Variants in PKD1L3 observed in about 807,000 individuals in gnomAD.
PKD1L3 encodes the protein polycystin 1 like 3, transient receptor potential channel interacting, also known as polycystin-1-like protein 3.
PKD1L3 carries 239 observed loss-of-function variants against 184.1 expected under a neutral mutation model. The ratio of observed to expected loss-of-function variants is 1.30; its 90% CI spans 1.17 to 1.45. The LOEUF (loss-of-function observed/expected upper bound fraction) is 1.45. Among genes scored for constraint, PKD1L3 ranks in the 40% most tolerant of loss-of-function variants. The probability of loss-of-function intolerance (pLI) is 0.00; values close to 1 mark genes in which losing one functional copy is unlikely to be tolerated. For missense variants in PKD1L3, 2,660 were observed against 2,067.2 expected (o/e 1.29, Z -5.56); for synonymous variants, 996 against 778.8 (o/e 1.28, Z -4.64).
At position 71,950,270 on chromosome 16, in the gene PKD1L3, A is replaced by C; in HGVS notation, c.3231T>G (p.His1077Gln). ...ENHHHFCCYLHRVLQRLKSHL... is the reference protein window; with the variant it reads ...ENHHHFCCYLQRVLQRLKSHL... Reference sequence around the variant, plus strand: ...GAGATTTCAGCCTCTGCAGAACTCTATGCAGGTAACAGCAGAAATGATGGT... The same window carrying C: ...GAGATTTCAGCCTCTGCAGAACTCTCTGCAGGTAACAGCAGAAATGATGGT... The change falls in exon 20 of 30, where the codon CAT becomes CAG. Residue 1077 changes from histidine to glutamine, a missense_variant. Physicochemically the swap from His to Gln is conservative, Grantham distance 24. Transcript: ENST00000620267. 6.5e-7 allele frequency: 1 copy of C among 1,547,936 alleles called. No homozygotes were observed. The highest frequency in any genetic ancestry group is 8.7e-7 in the Non-Finnish European group (1 of 1,144,360).
intron 11 of PKD1L3, among the ~76,000 whole-genome samples, chr16:71,976,264 CTTTT>C (rs71153688): frequency 1.2e-5 from 1 of 81,776 alleles, no homozygotes; most frequent in Non-Finnish European, 2.3e-5. Context: ...CCCAGCCTGT[CTTTT>C]TTTTTTTTTT....
intron 5 of PKD1L3, 141 bp downstream of exon 5, chr16:71,986,080 T>G: frequency 9.2e-7 from 1 of 1,089,206 alleles, no homozygotes; most frequent in Non-Finnish European, 1.3e-6. Flanking sequence ...TCCATGGACT[T>G]GTTTAGTTTT....
In PKD1L3 at chr16:71,953,053, G is replaced by A. The variant is rs1373798905; in HGVS notation, c.2850C>T (p.Ser950=). Residue 950 remains serine (S), a synonymous_variant, in exon 18 of 30, where the codon AGC becomes AGT. Transcript: ENST00000620267. The part of the protein sequence containing the change: ...FAVAWSELLV[S]IHTAVILFPI... ...GGAAGAGGATGACAGCAGTATGGAT[G>A]CTGACCAGCAGTTCAGACCAGGCCA... The A allele has an allele frequency of 2.0e-6, 3 of 1,536,522 alleles. No homozygotes were observed. The highest frequency in any genetic ancestry group is 2.8e-5 in the African/African-American group (2 of 72,090).
intron 6 of PKD1L3, among the ~76,000 whole-genome samples, chr16:71,983,663 C>CTTTTCTTTTTTTTTTTTTTTTTT (rs2040247074): frequency 1.0e-5 from 1 of 100,308 alleles, no homozygotes; most frequent in African/African-American, 3.9e-5. Context: ...GATTCTCTTT[C>CTTTTCTTTTTTTTTTTTTTTTTT]TTTTTTTTTT....
In PKD1L3 at chr16:71,953,062, C is replaced by T; in HGVS notation, c.2841G>A (p.Leu947=). Residue 947 remains leucine, a synonymous_variant, in exon 18 of 30, where the codon CTG becomes CTA. Transcript: ENST00000620267. ...MRPFAVAWSE[L]LVSIHTAVIL... ...TGACAGCAGTATGGATGCTGACCAG[C>T]AGTTCAGACCAGGCCACAGCAAATG... 6.6e-7 allele frequency: 1 copy of T among 1,513,902 alleles called. No homozygotes were observed. The highest frequency in any genetic ancestry group is 8.8e-7 in the Non-Finnish European group (1 of 1,132,214). The allele number at this position is 1,513,902 out of a possible 1,614,324, so 93.8% of individuals were successfully genotyped here. A position where few individuals can be genotyped will look rare whatever the true frequency, so the allele number is the denominator to read the frequency against.
Position 71,977,365 on chromosome 16 carries a change from A to T in PKD1L3, c.1630T>A (p.Ser544Thr). The T allele has an allele frequency of 6.5e-7, 1 of 1,550,362 alleles. No individual in the cohort carries two copies. The highest frequency in any genetic ancestry group is 8.7e-7 in the Non-Finnish European group (1 of 1,145,844). ...ITVNVTSLEK[S>T]LIVSIDPDSP... ...TCAGGATCTATGCTCACTATCAAGG[A>T]TTTCTCCAAGGAAGTGACGTTCACT... Residue 544 changes from serine to threonine, a missense_variant, in exon 11 of 30, where the codon TCC becomes ACC. By Grantham distance (58) the Ser-to-Thr change is moderately conservative. Coordinates refer to ENST00000620267, the MANE Select transcript of PKD1L3 (RefSeq NM_181536.2).
intron 7 of PKD1L3, among the ~76,000 whole-genome samples, chr16:71,981,266 A>G (rs1454267011): frequency 5.3e-5 from 8 of 152,206 alleles, no homozygotes; most frequent in Non-Finnish European, 1.2e-4. Context: ...GCTAGGTTAC[A>G]TGGCGATTCT....
rs1474537376 is a variant in PKD1L3 at position 71,953,017 on chromosome 16, A to G, written c.2886T>C (p.Leu962=). Reference sequence around the variant, plus strand: ...TCAACGGGAAGAGCCGCCCTATGACAAGATTGATTGGGAAGAGGATGACAG... The same window carrying G: ...TCAACGGGAAGAGCCGCCCTATGACGAGATTGATTGGGAAGAGGATGACAG... ...HTAVILFPIN[L]VIGRLFPLIE... is the part of the protein sequence containing the mutation. The change falls in exon 18 of 30, where the codon CTT becomes CTC. Residue 962 remains leucine (L), a synonymous_variant. Transcript: ENST00000620267. The G allele has an allele frequency of 6.5e-7, 1 of 1,549,114 alleles. No individual in the cohort carries two copies. Among genetic ancestry groups the G allele is most frequent in the Admixed American group, 2.0e-5 (1 of 50,612 alleles).
chr16:71,979,261 T>A (rs1012968750), intron 9 of PKD1L3, among the ~76,000 whole-genome samples: 1 of 152,040 alleles, frequency 6.6e-6, no homozygotes, highest in African/African-American at 2.4e-5. Context: ...CTGGCCAAAA[T>A]GGCGAAACCC....
rs754157777 is a variant in PKD1L3, at chr16:71,982,208, G to C, written c.994C>G (p.Leu332Val). The stretch of plus-strand genomic sequence containing the variant: ...GGGATCCTGAGTAACTCCTCACTCA[G>C]GTAAATAAGGGAATTGATGAGATTA... ...QVNLINSLIY[L>V]SEELLRIPFQ... The change falls in exon 7 of 30, where the codon CTG becomes GTG. Residue 332 changes from leucine (L) to valine (V), a missense_variant. Leu to Val is a conservative substitution (Grantham distance 32). Transcript: ENST00000620267. 1.8e-5 allele frequency: 27 copies of C among 1,539,876 alleles called. No homozygotes were observed. Among genetic ancestry groups the C allele is most frequent in the Non-Finnish European group, 1.2e-5 (14 of 1,140,576 alleles).
In PKD1L3 at chr16:71,978,388, A is replaced by T; in HGVS notation, c.1399-5T>A. On this transcript the variant is annotated splice_polypyrimidine_tract_variant and splice_region_variant and intron_variant, in intron 9 of 29. Transcript: ENST00000620267. ...ATTGAAAGCTAGTCCTGTTATCTAAAGACAAAGAGAAGCCCAGTTTTATCC... is the reference window on the plus strand; with the variant it reads ...ATTGAAAGCTAGTCCTGTTATCTAATGACAAAGAGAAGCCCAGTTTTATCC... 1 of 1,546,652 alleles carries T rather than the reference A, an allele frequency of 6.5e-7. No individual in the cohort carries two copies.
At chr16:71,978,423 A>G (rs1292784134) in intron 9 of PKD1L3, 40 bp from the exon 10 acceptor site, 1 of 1,525,998 alleles carries the variant, frequency 6.6e-7, no homozygotes, top group Non-Finnish European at 8.8e-7. Context: ...CATTGCTGAA[A>G]TATTTTTAAG....
chr16:71,989,492 C>T (rs905027723), intron 4 of PKD1L3, among the ~76,000 whole-genome samples: 5 of 152,156 alleles, frequency 3.3e-5, no homozygotes, highest in South Asian at 2.1e-4. Flanking sequence ...ATTTTTGCAG[C>T]GAGCATTGAG....
chr16:71,998,203 C>G (rs911658541), intron 2 of PKD1L3, 69 bp downstream of exon 2: 2 of 1,533,452 alleles, frequency 1.3e-6, no homozygotes, highest in Non-Finnish European at 1.8e-6. Flanking sequence ...AATATTCTCA[C>G]ATGCACTCCT....
chr16:71,973,623 A>G lies in PKD1L3; in HGVS notation c.1760-106T>C, dbSNP rs981095506. 11 of 1,020,318 alleles carry G rather than the reference A, an allele frequency of 1.1e-5. No individual in the cohort carries two copies. In the Admixed American group the frequency reaches 1.9e-4, roughly 18 times the overall value. The allele number at this position is 1,020,318 out of a possible 1,614,324, so 63.2% of individuals were successfully genotyped here. A position where few individuals can be genotyped will look rare whatever the true frequency, so the allele number is the denominator to read the frequency against. On this transcript the variant is annotated intron_variant, in intron 11 of 29. Coordinates refer to ENST00000620267, the MANE Select transcript of PKD1L3 (RefSeq NM_181536.2). Reference sequence around the variant, plus strand: ...TTAATATTTTACAAATGAGACCATGATGAAACTAGAGTCACAAATGATTTG... The same window carrying G: ...TTAATATTTTACAAATGAGACCATGGTGAAACTAGAGTCACAAATGATTTG...
intron 24 of PKD1L3, among the ~76,000 whole-genome samples, chr16:71,937,869 A>G (rs908673516): frequency 2.6e-5 from 4 of 152,250 alleles, no homozygotes; most frequent in African/African-American, 9.6e-5. Flanking sequence ...TTATAAAATC[A>G]TGAAAGGTCT....
intron 26 of PKD1L3, among the ~76,000 whole-genome samples, chr16:71,934,491 G>T (rs986142422): frequency 3.9e-5 from 6 of 152,156 alleles, no homozygotes; most frequent in Non-Finnish European, 8.8e-5. Context: ...CCCAGAGAGA[G>T]GAGCCATGCT....
At chr16:71,979,395 G>A (rs2040060709) in intron 9 of PKD1L3, among the ~76,000 whole-genome samples, 1 of 152,120 alleles carries the variant, frequency 6.6e-6, no homozygotes, top group South Asian at 2.1e-4. Context: ...AGTGAGCCGA[G>A]ATCACGCCAC....
chr16:71,967,812 A>T (rs1341828924), intron 14 of PKD1L3, 94 bp downstream of exon 14: 1 of 1,026,082 alleles, frequency 9.7e-7, no homozygotes, highest in Non-Finnish European at 1.4e-6. Context: ...AGTCTCTTTT[A>T]AAGTGCTATT....
Sources: allele counts gnomAD v4.1 joint callset (sites outside exome capture counted in the v4.1 genomes callset), GRCh38; gene constraint gnomAD v4.1.1; transcripts MANE v1.5; gene names NCBI Gene and HGNC (gene_info 2026-07-23, HGNC 2026-07-21).